Variants in RAP1GAP2 observed in about 807,000 individuals in gnomAD.
The protein encoded by RAP1GAP2 is RAP1 GTPase activating protein 2, also known as rap1 GTPase-activating protein 2.
Under a neutral mutation model 95.0 loss-of-function variants are expected in RAP1GAP2, and 27 were observed. The ratio of observed to expected loss-of-function variants is 0.28; its 90% CI spans 0.21 to 0.39. The LOEUF (loss-of-function observed/expected upper bound fraction) is 0.39. Among genes scored for constraint, RAP1GAP2 ranks in the 10% least tolerant of loss-of-function variants. The pLI, the probability that RAP1GAP2 is intolerant of heterozygous loss-of-function variation, is 1.00. For missense variants in RAP1GAP2, 771 were observed against 970.0 expected (o/e 0.79, Z 2.72); for synonymous variants, 373 against 380.9 (o/e 0.98, Z 0.24).
chr17:2,859,533 TCG>T (rs2072286807), intron 2 of RAP1GAP2, among the ~76,000 whole-genome samples: 1 of 152,120 alleles, frequency 6.6e-6, no homozygotes, highest in African/African-American at 2.4e-5. Flanking sequence ...CCTCCTGGGC[TCG>T]AGTGATTCTC....
chr17:2,993,825 A>G (rs1262191307), intron 12 of RAP1GAP2, among the ~76,000 whole-genome samples: 2 of 152,110 alleles, frequency 1.3e-5, no homozygotes, highest in African/African-American at 2.4e-5. Flanking sequence ...GCTTGAGCCC[A>G]GGAGTTTGAG....
At chr17:2,969,848 T>C (rs1451776298) in intron 8 of RAP1GAP2, among the ~76,000 whole-genome samples, 1 of 152,154 alleles carries the variant, frequency 6.6e-6, no homozygotes, top group Non-Finnish European at 1.5e-5. Context: ...CACAGGATTC[T>C]GTAGAATTCT....
intron 2 of RAP1GAP2, among the ~76,000 whole-genome samples, chr17:2,875,014 T>G (rs908944489): frequency 1.3e-5 from 2 of 152,206 alleles, no homozygotes; most frequent in African/African-American, 4.8e-5. Flanking sequence ...CAGGGACGCT[T>G]CAAAATTACC....
Position 3,035,583 on chromosome 17 carries a change from A to T in RAP1GAP2, c.*2222A>T, listed in dbSNP as rs1303707241. 6.6e-6 allele frequency: 1 copy of T among 152,468 alleles called. No homozygotes were observed. The highest frequency in any genetic ancestry group is 1.5e-5 in the Non-Finnish European group (1 of 68,244). 9.4% of individuals were successfully genotyped at this position (152,468 alleles called of 1,614,324 possible). ...AGCACAGACCTGAGATGGGGTCTCC[A>T]TGCCCGGTTTGCTGTTGGAATGATC... On this transcript the variant is annotated 3_prime_UTR_variant, in exon 25 of 25. Transcript: ENST00000254695. This position sits in a 1 kb window ranked among gnomAD's most constrained non-coding sequence, Gnocchi z 4.3.
intron 14 of RAP1GAP2, among the ~76,000 whole-genome samples, chr17:3,002,845 A>T (rs1052462859): frequency 1.3e-5 from 2 of 151,984 alleles, no homozygotes; most frequent in African/African-American, 4.8e-5. Flanking sequence ...TGGATTAGAC[A>T]CCTGCAGGCT....
chr17:2,974,460 C>T lies in RAP1GAP2; in HGVS notation c.597-5827C>T, dbSNP rs116925429. 8.5e-5 allele frequency among the ~76,000 whole-genome samples: 13 copies of T among 152,118 alleles called. No homozygotes were observed. In the East Asian group the frequency reaches 1.9e-3, roughly 23 times the overall value. ...AAAAAAATGGAGGGAATGTCCCACT[C>T]GGGCTCTTTCTGAAAGAATTACTGA... On this transcript the variant is annotated intron_variant, in intron 8 of 24. Coordinates refer to ENST00000254695, the MANE Select transcript of RAP1GAP2 (RefSeq NM_015085.5).
intron 17 of RAP1GAP2, among the ~76,000 whole-genome samples, chr17:3,010,284 G>A (rs2151619317): frequency 7.1e-6 from 1 of 141,466 alleles, no homozygotes; most frequent in African/African-American, 2.6e-5. Flanking sequence ...AGGTTGCAGT[G>A]AGCCGAGATC....
chr17:2,872,213 CAA>C (rs562587177), intron 2 of RAP1GAP2, among the ~76,000 whole-genome samples: 22 of 75,638 alleles, frequency 2.9e-4, no homozygotes, highest in African/African-American at 7.8e-4. Context: ...GCCTCTGTCT[CAA>C]AAAAAAAAAA....
At chr17:2,994,530 G>T (rs927066753) in intron 12 of RAP1GAP2, among the ~76,000 whole-genome samples, 2 of 152,172 alleles carry the variant, frequency 1.3e-5, no homozygotes, top group South Asian at 2.1e-4. Context: ...TTAGGGACTA[G>T]CTAGGCAGAA....
At chr17:2,994,161 A>G (rs964860223) in intron 12 of RAP1GAP2, among the ~76,000 whole-genome samples, 5 of 152,164 alleles carry the variant, frequency 3.3e-5, no homozygotes, top group Admixed American at 1.3e-4. Flanking sequence ...GAGAGACTAA[A>G]TGAATTGTCC....
At chr17:2,921,583 C>T (rs1225852795) in intron 3 of RAP1GAP2, among the ~76,000 whole-genome samples, 1 of 151,886 alleles carries the variant, frequency 6.6e-6, no homozygotes, top group African/African-American at 2.4e-5. Context: ...GTCCGCAGGG[C>T]CTTTAAGGTG....
intron 2 of RAP1GAP2, among the ~76,000 whole-genome samples, chr17:2,846,109 G>C (rs752669630): frequency 6.6e-6 from 1 of 151,760 alleles, no homozygotes; most frequent in Non-Finnish European, 1.5e-5. Context: ...CTTGAACCCG[G>C]GAGGTGGAGG....
chr17:3,020,189 C>G (rs935820861), intron 18 of RAP1GAP2, among the ~76,000 whole-genome samples: 7 of 152,178 alleles, frequency 4.6e-5, no homozygotes, highest in South Asian at 2.1e-4. Context: ...ATTGTTCTGA[C>G]CTTCTCAATT....
At chr17:2,911,370 G>A (rs958572595) in intron 3 of RAP1GAP2, among the ~76,000 whole-genome samples, 2 of 150,964 alleles carry the variant, frequency 1.3e-5, no homozygotes, top group African/African-American at 4.9e-5. Context: ...GGCTGGTGCC[G>A]GGTGGGCTGG....
intron 17 of RAP1GAP2, among the ~76,000 whole-genome samples, chr17:3,009,800 C>T (rs879183434): frequency 2.0e-5 from 3 of 152,004 alleles, no homozygotes; most frequent in African/African-American, 4.8e-5. Flanking sequence ...GAGATCAAGA[C>T]GGAAGAGGGA....
intron 10 of RAP1GAP2, among the ~76,000 whole-genome samples, 192 bp downstream of exon 10, chr17:2,981,440 C>T (rs1379058043): frequency 6.6e-6 from 1 of 152,178 alleles, no homozygotes; most frequent in African/African-American, 2.4e-5. Context: ...TCAGCCATGC[C>T]TAGGTCTCCA....
At chr17:2,910,873 A>G (rs1436316921) in intron 3 of RAP1GAP2, among the ~76,000 whole-genome samples, 4 of 151,978 alleles carry the variant, frequency 2.6e-5, no homozygotes, top group Non-Finnish European at 5.9e-5. Context: ...TAATTTTTGT[A>G]TTTTTAGTAG....
Position 2,963,778 on chromosome 17 carries a change from C to A in RAP1GAP2, c.280-78C>A. ...TACCAGGCCCCACTCCTGGGAGCAG[C>A]GCAGAGGGGACACCGCCACCGGCCC... On this transcript the variant is annotated intron_variant, in intron 6 of 24. Transcript: ENST00000254695. This position sits in a 1 kb window ranked among gnomAD's most constrained non-coding sequence, Gnocchi z 4.8. 1 of 1,286,732 alleles carries A rather than the reference C, an allele frequency of 7.8e-7. No individual in the cohort carries two copies. Among genetic ancestry groups the A allele is most frequent in the Non-Finnish European group, 1.1e-6 (1 of 932,524 alleles). 79.7% of individuals were successfully genotyped at this position (1,286,732 alleles called of 1,614,324 possible).
rs758550705 is a variant in RAP1GAP2, at chr17:2,980,370, G to A, written c.675+5G>A. The A allele has an allele frequency of 6.2e-7, 1 of 1,613,742 alleles. No homozygotes were observed. Among genetic ancestry groups the A allele is most frequent in the Non-Finnish European group, 8.5e-7 (1 of 1,179,692 alleles). Reference sequence around the variant, plus strand: ...AGTGTCCCTCAGATTGCAAAGGTGAGAAACCAACCCGTGAGAGATGGTGGC... The same window carrying A: ...AGTGTCCCTCAGATTGCAAAGGTGAAAAACCAACCCGTGAGAGATGGTGGC... On this transcript the variant is annotated splice_donor_5th_base_variant and intron_variant, in intron 9 of 24. Coordinates refer to ENST00000254695, the MANE Select transcript of RAP1GAP2 (RefSeq NM_015085.5).
Sources: gnomAD v4.1 joint callset for allele counts (sites outside exome capture counted in the v4.1 genomes callset) on GRCh38, gnomAD v4.1.1 for gene constraint, Gnocchi (gnomAD v3.1) non-coding constraint, MANE v1.5 for transcripts, NCBI Gene and HGNC (gene_info 2026-07-23, HGNC 2026-07-21) for gene names.